The following B3GALNT2 variants were observed in gnomAD, a reference collection of about 807,000 sequenced individuals.
The protein encoded by B3GALNT2 is UDP-GalNAc:beta-1,3-N-acetylgalactosaminyltransferase 2.
B3GALNT2 carries 53 observed loss-of-function variants against 61.1 expected under a neutral mutation model. The ratio of observed to expected loss-of-function variants is 0.87; its 90% confidence interval spans 0.70 to 1.09. The LOEUF (loss-of-function observed/expected upper bound fraction) is 1.09. Among genes scored for constraint, B3GALNT2 ranks in the 50% least tolerant of loss-of-function variants. The pLI is 0.00. For synonymous variants in B3GALNT2, 223 were observed against 237.4 expected (o/e 0.94, Z 0.56); for missense variants, 544 against 623.0 (o/e 0.87, Z 1.35).
chr1:235,451,719 G>A (rs1347800988), intron 11 of B3GALNT2: 1 of 152,196 alleles, frequency 6.6e-6, no homozygotes, highest in Admixed American at 6.5e-5. Context: ...CCAGCTCTAT[G>A]CAGGGCTTCT....
chr1:235,452,744 G>C (rs866510176), intron 11 of B3GALNT2, among the ~76,000 whole-genome samples: 8 of 152,094 alleles, frequency 5.3e-5, no homozygotes, highest in African/African-American at 1.7e-4. Context: ...TAGAGACGGG[G>C]GGTTTCACCA....
intron 1 of B3GALNT2, among the ~76,000 whole-genome samples, chr1:235,497,978 GCTTTA>G (rs1685405571): frequency 6.6e-6 from 1 of 152,144 alleles, no homozygotes; most frequent in Non-Finnish European, 1.5e-5. Flanking sequence ...CTGTTCAACT[GCTTTA>G]CTTTACATGC....
intron 11 of B3GALNT2, chr1:235,450,604 T>C (rs113797624): frequency 1.4e-4 from 56 of 405,772 alleles, no homozygotes; most frequent in African/African-American, 6.8e-4. Context: ...CATTCCGTAA[T>C]GAACGATTTT....
intron 8 of B3GALNT2, among the ~76,000 whole-genome samples, chr1:235,457,617 T>C (rs1410458921): frequency 2.0e-5 from 3 of 152,168 alleles, no homozygotes; most frequent in African/African-American, 4.8e-5. Context: ...ATAAATATGA[T>C]AGATTCTGGG....
downstream of B3GALNT2, among the ~76,000 whole-genome samples, chr1:235,445,469 A>G (rs986217452): frequency 6.6e-6 from 1 of 152,050 alleles, no homozygotes; most frequent in Non-Finnish European, 1.5e-5. Context: ...TCTCTACAAA[A>G]ATAAATAAAT....
At chr1:235,454,396 A>T in intron 9 of B3GALNT2, 81 bp from the exon 10 acceptor site, 1 of 1,311,164 alleles carries the variant, frequency 7.6e-7, no homozygotes, top group Admixed American at 2.3e-5. Flanking sequence ...CTTTATCATC[A>T]CTACAAAGGA....
In B3GALNT2 at chr1:235,482,939, C is replaced by A. The variant is rs58840556; in HGVS notation, c.555+1383G>T. The stretch of plus-strand genomic sequence containing the variant: ...AAAGATAATAATCAATAAAGACAGA[C>A]GCTGAGATGACTCAGAATAAGCGTA... On this transcript the variant is annotated intron_variant, in intron 4 of 11. Coordinates refer to ENST00000366600, the MANE Select transcript of B3GALNT2 (RefSeq NM_152490.5). 3.4e-4 allele frequency among the ~76,000 whole-genome samples: 51 copies of A among 152,164 alleles called. 2 individuals carry two copies. The South Asian group carries it at 9.5e-3, about 28-fold the overall frequency.
chr1:235,440,466 C>G, the B3GALNT2 span, among the ~76,000 whole-genome samples: 1 of 152,056 alleles, frequency 6.6e-6, no homozygotes, highest in South Asian at 2.1e-4. Flanking sequence ...GATCTCGGCT[C>G]ACTGCAACCT....
the B3GALNT2 span, chr1:235,441,086 T>A: frequency 1.3e-5 from 2 of 152,598 alleles, no homozygotes; most frequent in Admixed American, 1.3e-4. Flanking sequence ...CTGGCCACGC[T>A]CGGTGAATTC....
intron 1 of B3GALNT2, among the ~76,000 whole-genome samples, chr1:235,498,189 C>T (rs985119617): frequency 1.3e-5 from 2 of 152,076 alleles, no homozygotes; most frequent in African/African-American, 4.8e-5. Flanking sequence ...AATAAAATAC[C>T]TATGTAAGAA....
chr1:235,467,920 C>T (rs745545144), intron 6 of B3GALNT2, among the ~76,000 whole-genome samples: 4 of 151,658 alleles, frequency 2.6e-5, no homozygotes, highest in Admixed American at 1.3e-4. Context: ...GCTGGGATTA[C>T]GGGCATTAGC....
intron 6 of B3GALNT2, among the ~76,000 whole-genome samples, chr1:235,469,508 G>A (rs937402936): frequency 6.6e-6 from 1 of 152,082 alleles, no homozygotes; most frequent in Admixed American, 6.6e-5. Context: ...AAATCCCAGA[G>A]TTGCTTCAGC....
At chr1:235,498,866 A>G (rs1685455399) in intron 1 of B3GALNT2, among the ~76,000 whole-genome samples, 1 of 129,110 alleles carries the variant, frequency 7.7e-6, no homozygotes, top group Admixed American at 7.7e-5. Context: ...AAAAAAAAAA[A>G]AAAAAAAAAG....
intron 1 of B3GALNT2, chr1:235,496,324 A>AAG: frequency 1.9e-6 from 2 of 1,045,382 alleles, no homozygotes; most frequent in South Asian, 1.7e-5. Context: ...AAAAAAAAAA[A>AAG]AGTTCCATTC....
intron 5 of B3GALNT2, among the ~76,000 whole-genome samples, chr1:235,477,513 G>A (rs1203415307): frequency 6.7e-6 from 1 of 148,592 alleles, no homozygotes; most frequent in Non-Finnish European, 1.5e-5. Context: ...AAGCATTAAA[G>A]TTCATTTTCT....
At chr1:235,468,508 A>G (rs559374923) in intron 6 of B3GALNT2, among the ~76,000 whole-genome samples, 1 of 133,728 alleles carries the variant, frequency 7.5e-6, no homozygotes, top group Non-Finnish European at 1.5e-5. Context: ...GCTGGAGTGC[A>G]GTGGCGCGAT....
In B3GALNT2 at chr1:235,448,067, G is replaced by C. The variant is rs1682548197; in HGVS notation, c.*2139C>G. On this transcript the variant is annotated 3_prime_UTR_variant, in exon 12 of 12. Transcript: ENST00000366600. ...CTACTAAAAATACAAAAGTTAGCTG[G>C]GTGTGGTGATGGGCACCAGCTACTC... Among the ~76,000 whole-genome samples, 1 of 152,030 alleles carries C rather than the reference G, an allele frequency of 6.6e-6. No individual in the cohort carries two copies. The highest frequency in any genetic ancestry group is 2.4e-5 in the African/African-American group (1 of 41,376).
rs1558407196 is a variant in B3GALNT2 at position 235,453,146 on chromosome 1, C to G, written c.1312G>C (p.Gly438Arg). 15 of 1,610,932 alleles carry G rather than the reference C, an allele frequency of 9.3e-6. No individual in the cohort carries two copies. The highest frequency in any genetic ancestry group is 1.3e-5 in the Non-Finnish European group (15 of 1,177,112). The change falls in exon 11 of 12, where the codon GGT becomes CGT. Residue 438 changes from glycine to arginine, a missense_variant and splice_region_variant. By Grantham distance (125) the Gly-to-Arg change is moderately radical. Transcript: ENST00000366600. ...SNSGRLKTYQGEDVSMGIWMA... is the reference protein window; with the variant it reads ...SNSGRLKTYQREDVSMGIWMA... ...CAGATGCCCATGCTTACATCTTCAC[C>G]CTATACATGGCCCATAAAGTTTAAA...
chr1:235,474,983 ATATATTTTTT>A (rs1200059913), intron 5 of B3GALNT2, among the ~76,000 whole-genome samples: 2 of 38,990 alleles, frequency 5.1e-5, no homozygotes, highest in African/African-American at 1.3e-4. Context: ...ATATATATAT[ATATATTTTTT>A]TTTTTTTTTT....
Sources: allele counts gnomAD v4.1 joint callset (sites outside exome capture counted in the v4.1 genomes callset), GRCh38; gene constraint gnomAD v4.1.1; transcripts MANE v1.5; gene names NCBI Gene and HGNC (gene_info 2026-07-23, HGNC 2026-07-21).